Variants in SPRR2G observed in about 807,000 individuals in gnomAD.
SPRR2G encodes small proline-rich protein 2G.
SPRR2G carries 1 observed loss-of-function variant against 0.7 expected under a neutral mutation model. The observed-to-expected ratio is 1.49, with a 90% confidence interval of 0.53 to 7.06. The LOEUF is 7.06. Ranked by LOEUF, SPRR2G falls within the 30% of genes most tolerant of loss-of-function variation. The probability of loss-of-function intolerance (pLI) is 0.14; values close to 1 mark genes in which losing one functional copy is unlikely to be tolerated. For missense variants in SPRR2G, 96 were observed against 88.5 expected, an observed-to-expected ratio of 1.09 and a Z score of -0.34; for synonymous variants, 38 against 33.9, an observed-to-expected ratio of 1.12 and a Z score of -0.42.
chr1:153,155,195 C>A (rs1380212970), upstream of SPRR2G, among the ~76,000 whole-genome samples: 3 of 152,082 alleles, frequency 2.0e-5, no homozygotes, highest in African/African-American at 7.2e-5. Context: ...TCTACATTTG[C>A]ACTCCAGAAC....
At chr1:153,178,722 C>T in the SPRR2G span, among the ~76,000 whole-genome samples, 2 of 152,114 alleles carry the variant, frequency 1.3e-5, no homozygotes, top group African/African-American at 2.4e-5. Flanking sequence ...TGAGGAATAA[C>T]GATCTGTAAC....
At chr1:153,198,998 G>A in the SPRR2G span, among the ~76,000 whole-genome samples, 1 of 152,088 alleles carries the variant, frequency 6.6e-6, no homozygotes, top group African/African-American at 2.4e-5. Flanking sequence ...AAGGGAAGAG[G>A]GTTAAAATAT....
chr1:153,154,917 A>T (rs1029485485), upstream of SPRR2G, among the ~76,000 whole-genome samples: 1 of 152,138 alleles, frequency 6.6e-6, no homozygotes, highest in East Asian at 1.9e-4. Flanking sequence ...CTCCGTTTTT[A>T]TCTTCCTAGA....
At chr1:153,180,012 C>A in the SPRR2G span, among the ~76,000 whole-genome samples, 1 of 152,170 alleles carries the variant, frequency 6.6e-6, no homozygotes, top group African/African-American at 2.4e-5. Flanking sequence ...ATGCTGACTT[C>A]ATCATATCTT....
At chr1:153,159,916 A>G in the SPRR2G span, among the ~76,000 whole-genome samples, 1 of 152,210 alleles carries the variant, frequency 6.6e-6, no homozygotes, top group Non-Finnish European at 1.5e-5. Context: ...TGTGGCAATT[A>G]CAGTTTGAAA....
At chr1:153,186,988 G>A in the SPRR2G span, among the ~76,000 whole-genome samples, 1 of 152,154 alleles carries the variant, frequency 6.6e-6, no homozygotes, top group Non-Finnish European at 1.5e-5. Flanking sequence ...GAAATTCTGG[G>A]TTGAAAATTC....
chr1:153,197,466 A>G, the SPRR2G span, among the ~76,000 whole-genome samples: 5 of 152,154 alleles, frequency 3.3e-5, no homozygotes, highest in Admixed American at 6.5e-5. Context: ...TCTGACAGAC[A>G]GTTTATTTGA....
chr1:153,160,606 G>A, the SPRR2G span, among the ~76,000 whole-genome samples: 3 of 44,536 alleles, frequency 6.7e-5, no homozygotes, highest in Admixed American at 4.5e-4. Flanking sequence ...TGCTGGAGAG[G>A]ATGTGGAGAA....
the SPRR2G span, among the ~76,000 whole-genome samples, chr1:153,161,564 G>T: frequency 1.3e-5 from 2 of 152,130 alleles, no homozygotes; most frequent in African/African-American, 4.8e-5. Context: ...CTGTCAAGAG[G>T]TTTTTAATTT....
At chr1:153,197,971 T>C in the SPRR2G span, among the ~76,000 whole-genome samples, 3 of 151,430 alleles carry the variant, frequency 2.0e-5, no homozygotes, top group Non-Finnish European at 4.4e-5. Flanking sequence ...AAGTAATTGG[T>C]TCCTGATCTC....
the SPRR2G span, among the ~76,000 whole-genome samples, chr1:153,164,035 T>A: frequency 6.6e-6 from 1 of 152,178 alleles, no homozygotes; most frequent in African/African-American, 2.4e-5. Flanking sequence ...ATAATAACAA[T>A]ACAATTAGAA....
the SPRR2G span, among the ~76,000 whole-genome samples, chr1:153,158,246 C>A: frequency 6.6e-6 from 1 of 152,138 alleles, no homozygotes; most frequent in Non-Finnish European, 1.5e-5. Context: ...CCCGTAAAAT[C>A]AAAAACAAGT....
chr1:153,165,527 C>A, the SPRR2G span, among the ~76,000 whole-genome samples: 1 of 152,154 alleles, frequency 6.6e-6, no homozygotes, highest in Admixed American at 6.5e-5. Context: ...AATAGAGACT[C>A]AGGGACCATT....
At chr1:153,186,565 A>C in the SPRR2G span, among the ~76,000 whole-genome samples, 2,728 of 150,736 alleles carry the variant, frequency 0.018, 90 homozygotes, top group African/African-American at 0.062. Context: ...TATTTGCTAC[A>C]TCCCTTTATT....
the SPRR2G span, among the ~76,000 whole-genome samples, chr1:153,182,366 G>T: frequency 1.7e-4 from 25 of 145,694 alleles, no homozygotes; most frequent in African/African-American, 6.6e-4. Context: ...CGTGGTTTTT[G>T]TCATGACTTT....
chr1:153,165,890 T>C, the SPRR2G span, among the ~76,000 whole-genome samples: 1 of 152,170 alleles, frequency 6.6e-6, no homozygotes, highest in African/African-American at 2.4e-5. Flanking sequence ...AGGCACAGGC[T>C]TCATGGCCCC....
the SPRR2G span, among the ~76,000 whole-genome samples, chr1:153,179,503 A>G: frequency 1.3e-5 from 2 of 152,130 alleles, no homozygotes; most frequent in African/African-American, 4.8e-5. Flanking sequence ...CATTTGTGAA[A>G]TGGTTTCATT....
At chr1:153,165,538 G>A in the SPRR2G span, among the ~76,000 whole-genome samples, 1 of 152,160 alleles carries the variant, frequency 6.6e-6, no homozygotes, top group African/African-American at 2.4e-5. Context: ...AGGGACCATT[G>A]TTCTAACACA....
chr1:153,199,912 G>A, the SPRR2G span, among the ~76,000 whole-genome samples: 1 of 152,144 alleles, frequency 6.6e-6, no homozygotes, highest in East Asian at 1.9e-4. Flanking sequence ...CATCATGCAG[G>A]TTCTGCTTGT....
Sources: allele counts gnomAD v4.1 joint callset (sites outside exome capture counted in the v4.1 genomes callset), GRCh38; gene constraint gnomAD v4.1.1; transcripts MANE v1.5; gene names NCBI Gene and HGNC (gene_info 2026-07-23, HGNC 2026-07-21).